The following VWA8 variants were observed in gnomAD, a reference collection of about 807,000 sequenced individuals.
VWA8 encodes the protein von Willebrand factor A domain-containing protein 8.
Under a neutral mutation model 241.5 loss-of-function variants are expected in VWA8, and 221 were observed. That is an observed-to-expected ratio of 0.91 (90% CI 0.82 to 1.02). The LOEUF is 1.02. Ranked by LOEUF, VWA8 falls within the 50% of genes least tolerant of loss-of-function variation. The pLI is 0.00. For missense variants in VWA8, 2,322 were observed against 2,328.7 expected, an observed-to-expected ratio of 1.00 and a Z score of 0.06; for synonymous variants, 852 against 827.1, an observed-to-expected ratio of 1.03 and a Z score of -0.52.
At chr13:41,616,038 A>C (rs17594523) in intron 37 of VWA8, among the ~76,000 whole-genome samples, 3,584 of 152,346 alleles carry the variant, frequency 0.024, 71 homozygotes, top group East Asian at 0.091. Flanking sequence ...AAAGCCATTG[A>C]CGATTGGTTC....
At chr13:41,785,331 A>ATAT (rs1363043326) in intron 18 of VWA8, among the ~76,000 whole-genome samples, 1 of 152,200 alleles carries the variant, frequency 6.6e-6, no homozygotes, top group Non-Finnish European at 1.5e-5. Flanking sequence ...AAAACAATTT[A>ATAT]GTCTAGTCTG....
intron 1 of VWA8, among the ~76,000 whole-genome samples, chr13:41,957,324 G>A (rs1033153260): frequency 2.0e-5 from 3 of 152,312 alleles, no homozygotes; most frequent in Admixed American, 6.5e-5. Flanking sequence ...TATGTAAGAC[G>A]TGACTTTTCT....
chr13:41,785,674 T>C (rs4941408), intron 18 of VWA8, among the ~76,000 whole-genome samples: 3,422 of 152,258 alleles, frequency 0.022, 109 homozygotes, highest in Admixed American at 0.098. Flanking sequence ...AACTTCGCCC[T>C]TCAATAGATC....
chr13:41,838,963 G>T (rs1032184838), intron 12 of VWA8, among the ~76,000 whole-genome samples: 1 of 152,102 alleles, frequency 6.6e-6, no homozygotes, highest in African/African-American at 2.4e-5. Flanking sequence ...ATATATGTGC[G>T]CATGTGTCTT....
At chr13:41,874,682 T>C (rs1873812052) in intron 9 of VWA8, among the ~76,000 whole-genome samples, 1 of 152,142 alleles carries the variant, frequency 6.6e-6, no homozygotes, top group South Asian at 2.1e-4. Context: ...CAGGCTTCCC[T>C]ATTCATCCTT....
intron 43 of VWA8, among the ~76,000 whole-genome samples, chr13:41,571,600 TC>T (rs1269935165): frequency 6.6e-6 from 1 of 152,154 alleles, no homozygotes; most frequent in African/African-American, 2.4e-5. Flanking sequence ...TCTACCTGCC[TC>T]CGCCTCCCGA....
intron 12 of VWA8, among the ~76,000 whole-genome samples, chr13:41,838,551 A>G (rs910306696): frequency 6.6e-6 from 1 of 152,202 alleles, no homozygotes; most frequent in African/African-American, 2.4e-5. Flanking sequence ...ATATAAACCC[A>G]ACAGTTTCAG....
chr13:41,645,023 A>G (rs17062459), intron 37 of VWA8, among the ~76,000 whole-genome samples: 5,093 of 152,330 alleles, frequency 0.033, 288 homozygotes, highest in African/African-American at 0.12. Flanking sequence ...ACATGGTTAA[A>G]AGCACAGACA....
Position 41,685,076 on chromosome 13 carries a change from TCTC to T in VWA8, c.4295_4297del (p.Gly1432del), listed in dbSNP as rs1190454496. The T allele has an allele frequency of 1.9e-6, 3 of 1,613,438 alleles. No individual in the cohort carries two copies. Among genetic ancestry groups the T allele is most frequent in the Admixed American group, 1.7e-5 (1 of 59,902 alleles). On this transcript the variant is annotated inframe_deletion, in exon 35 of 45. Transcript: ENST00000379310. ...TGGGTAGATATCTTTTAGAGGGACT[TCTC>T]CTGGGGGTAAAATCCTCACTACCTG...
intron 40 of VWA8, among the ~76,000 whole-genome samples, chr13:41,604,426 T>C (rs1164149386): frequency 6.6e-6 from 1 of 152,148 alleles, no homozygotes; most frequent in Admixed American, 6.6e-5. Flanking sequence ...CTTTTATTAA[T>C]CTCTGGATAC....
rs538727596 is a variant in VWA8 at position 41,844,063 on chromosome 13, G to T, written c.1426-10532C>A. Among the ~76,000 whole-genome samples, 20 of 152,240 alleles carry T rather than the reference G, an allele frequency of 1.3e-4. No homozygotes were observed. The East Asian group carries it at 3.9e-3, about 29-fold the overall frequency. On this transcript the variant is annotated intron_variant, in intron 12 of 44. Transcript: ENST00000379310. ...AAGTTAAATATAGGCCAATACCCTT[G>T]AGGAACATGGACACAAAAATCCTCA...
At chr13:41,718,205 G>A (rs1465396191) in intron 26 of VWA8, among the ~76,000 whole-genome samples, 2 of 151,758 alleles carry the variant, frequency 1.3e-5, no homozygotes, top group African/African-American at 4.8e-5. Context: ...ATTTGTTAAT[G>A]GTAATAAAAG....
intron 43 of VWA8, among the ~76,000 whole-genome samples, chr13:41,571,347 G>GTCTCCCTCTCCCGTCTCCCTCTCCC (rs1566370918): frequency 5.0e-4 from 52 of 104,508 alleles, no homozygotes; most frequent in Non-Finnish European, 8.7e-4. Flanking sequence ...TCCCTCTCCC[G>GTCTCCCTCTCCCGTCTCCCTCTCCC]TCTCCCTCTC....
intron 12 of VWA8, chr13:41,865,466 T>A (rs949721468): frequency 5.5e-6 from 2 of 362,622 alleles, no homozygotes; most frequent in Non-Finnish European, 1.0e-5. Flanking sequence ...TCTTCACTCC[T>A]CCTTTCCCCC....
chr13:41,898,140 G>C (rs1875218753), intron 4 of VWA8, among the ~76,000 whole-genome samples: 1 of 151,270 alleles, frequency 6.6e-6, no homozygotes, highest in Non-Finnish European at 1.5e-5. Flanking sequence ...TACAAACCTT[G>C]AGGTAGATAC....
intron 17 of VWA8, among the ~76,000 whole-genome samples, chr13:41,795,567 C>A (rs577623148): frequency 1.3e-5 from 2 of 152,264 alleles, no homozygotes; most frequent in East Asian, 3.9e-4. Context: ...CAATGATAAA[C>A]TGGACAAACA....
At chr13:41,692,014 TAAATA>T (rs1444466795) in intron 30 of VWA8, 76 bp from the exon 31 acceptor site, 1 of 928,570 alleles carries the variant, frequency 1.1e-6, no homozygotes, top group African/African-American at 1.7e-5. Flanking sequence ...TACTTCCCCT[TAAATA>T]AAATAAAGTT....
intron 35 of VWA8, 60 bp from the exon 36 acceptor site, chr13:41,675,356 C>A: frequency 7.7e-7 from 1 of 1,302,628 alleles, no homozygotes. Flanking sequence ...CAAAATGGTG[C>A]TAAAAGTGGA....
intron 16 of VWA8, among the ~76,000 whole-genome samples, chr13:41,812,521 G>A (rs1024412946): frequency 2.6e-5 from 4 of 152,076 alleles, no homozygotes; most frequent in African/African-American, 9.7e-5. Flanking sequence ...TTAACAAAGG[G>A]TTCAGAATGG....
Sources: allele counts gnomAD v4.1 joint callset (sites outside exome capture counted in the v4.1 genomes callset), GRCh38; gene constraint gnomAD v4.1.1; transcripts MANE v1.5; gene names NCBI Gene and HGNC (gene_info 2026-07-23, HGNC 2026-07-21).